SND1: variants seen among roughly 807,000 people sequenced by gnomAD.
SND1 encodes the protein staphylococcal nuclease and tudor domain containing 1.
A neutral mutation model predicts 121.7 loss-of-function variants in SND1; 38 were observed. The ratio of observed to expected loss-of-function variants is 0.31; its 90% CI spans 0.24 to 0.41. SND1 has a LOEUF of 0.41. Ranked by LOEUF, SND1 falls within the 10% of genes least tolerant of loss-of-function variation. SND1 has a pLI of 1.00. For synonymous variants in SND1, 401 were observed against 447.4 expected (o/e 0.90, Z 1.31); for missense variants, 868 against 1,184.6 (o/e 0.73, Z 3.92).
rs913876529 is a variant in SND1 at position 127,860,439 on chromosome 7, A to G, written c.1343+16015A>G. 1.2e-4 allele frequency among the ~76,000 whole-genome samples: 19 copies of G among 152,334 alleles called. 1 individual carries two copies. The highest frequency in any genetic ancestry group is 4.6e-4 in the African/African-American group (19 of 41,568). ...TGCTTAAGGTGCTTGTTCTTCATTA[A>G]TGTAATCAGACTTTACCCAAATAGT... On this transcript the variant is annotated intron_variant, in intron 12 of 23. Transcript: ENST00000354725.
chr7:127,701,855 G>A (rs895211542), intron 5 of SND1, among the ~76,000 whole-genome samples: 2 of 152,092 alleles, frequency 1.3e-5, no homozygotes, highest in African/African-American at 4.8e-5. Context: ...CTATTATAGT[G>A]CCTATACACC....
At chr7:128,054,140 G>C (rs948503300) in intron 16 of SND1, among the ~76,000 whole-genome samples, 1 of 152,198 alleles carries the variant, frequency 6.6e-6, no homozygotes, top group Admixed American at 6.5e-5. Flanking sequence ...GTCAGATGGA[G>C]TGGCGGTGGC....
At chr7:127,889,450 C>T (rs1799969877) in intron 13 of SND1, among the ~76,000 whole-genome samples, 2 of 151,726 alleles carry the variant, frequency 1.3e-5, no homozygotes, top group East Asian at 1.9e-4. Context: ...GCATGCAATG[C>T]GTAATAATCA....
intron 13 of SND1, among the ~76,000 whole-genome samples, chr7:127,890,721 G>A (rs1482466616): frequency 6.6e-6 from 1 of 152,118 alleles, no homozygotes; most frequent in Non-Finnish European, 1.5e-5. Flanking sequence ...AATACTTAAT[G>A]AGCATTCATA....
At chr7:127,758,310 CT>C (rs774200354) in intron 10 of SND1, among the ~76,000 whole-genome samples, 3 of 152,192 alleles carry the variant, frequency 2.0e-5, no homozygotes, top group Non-Finnish European at 4.4e-5. Flanking sequence ...TATTGTTGAT[CT>C]TGCAACATTA....
rs539601304 is a variant in SND1 at position 127,980,362 on chromosome 7, C to T, written c.1670-10585C>T. Among the ~76,000 whole-genome samples the T allele has an allele frequency of 8.2e-4, 14 of 17,166 alleles. 4 individuals carry two copies. The South Asian group carries it at 0.016, about 19-fold the overall frequency. 11.3% of individuals were successfully genotyped at this position (17,166 alleles called of 152,430 possible). A position where few individuals can be genotyped will look rare whatever the true frequency, so the allele number is the denominator to read the frequency against. ...GTCTCGATCTCCTGACCTCGTGATC[C>T]GCCCGCCTCGGCCTCCCAAAGTGCT... On this transcript the variant is annotated intron_variant, in intron 15 of 23. Transcript: ENST00000354725.
intron 16 of SND1, among the ~76,000 whole-genome samples, chr7:128,038,372 G>A (rs60865612): frequency 0.014 from 2,098 of 152,310 alleles, 59 homozygotes; most frequent in African/African-American, 0.048. Context: ...TACATACCGC[G>A]TATATATAGG....
chr7:127,762,813 C>G (rs1341123951), intron 10 of SND1, among the ~76,000 whole-genome samples: 1 of 152,162 alleles, frequency 6.6e-6, no homozygotes, highest in African/African-American at 2.4e-5. Context: ...TTGTAAAATT[C>G]TCTGCATTTT....
rs753167232 is a variant in SND1 at position 127,704,872 on chromosome 7, G to A, written c.874G>A (p.Gly292Ser). 1.2e-6 allele frequency: 2 copies of A among 1,614,074 alleles called. No homozygotes were observed. Among genetic ancestry groups the A allele is most frequent in the South Asian group, 1.1e-5 (1 of 91,074 alleles). ...CATCACAGAGCTCCTCCTGAAGGAA[G>A]GTTTCGCACGCTGTGTGGACTGGTC... ...GNITELLLKEGFARCVDWSIA... is the reference protein window; with the variant it reads ...GNITELLLKESFARCVDWSIA... Residue 292 changes from glycine to serine, a missense_variant, in exon 8 of 24, where the codon GGT (glycine) becomes AGT (serine). Physicochemically the swap from Gly to Ser is moderately conservative, Grantham distance 56. This residue lies in a region of SND1 where 743 missense variants were observed against 1,071.3 expected (regional missense o/e 0.69). Transcript: ENST00000354725.
intron 16 of SND1, among the ~76,000 whole-genome samples, chr7:128,069,796 T>C (rs568109654): frequency 6.6e-6 from 1 of 152,296 alleles, no homozygotes; most frequent in African/African-American, 2.4e-5. Context: ...AGAACTTAAG[T>C]GGCACCCCAG....
chr7:128,038,548 C>G (rs1303456449), intron 16 of SND1, among the ~76,000 whole-genome samples: 1 of 152,218 alleles, frequency 6.6e-6, no homozygotes, highest in Admixed American at 6.5e-5. Context: ...AAGAGGCTGT[C>G]TTGTTCAAAG....
At chr7:128,036,522 A>G (rs1405337408) in intron 16 of SND1, among the ~76,000 whole-genome samples, 1 of 152,228 alleles carries the variant, frequency 6.6e-6, no homozygotes, top group Non-Finnish European at 1.5e-5. Context: ...GGGAGTGGAC[A>G]ATAAAGGATA....
Position 128,021,087 on chromosome 7 carries a change from T to G in SND1, c.1779+30031T>G, listed in dbSNP as rs577989718. Among the ~76,000 whole-genome samples, 7 of 152,300 alleles carry G rather than the reference T, an allele frequency of 4.6e-5. No homozygotes were observed. In the South Asian group the frequency reaches 1.5e-3, roughly 32 times the overall value. Reference sequence around the variant, plus strand: ...TTCCTACTCCATCCAGACTTCCCCCTGCCTAATCTTAAAGAGATGAATTGG... The same window carrying G: ...TTCCTACTCCATCCAGACTTCCCCCGGCCTAATCTTAAAGAGATGAATTGG... On this transcript the variant is annotated intron_variant, in intron 16 of 23. Transcript: ENST00000354725.
chr7:127,980,945 T>G (rs561742785), intron 15 of SND1, among the ~76,000 whole-genome samples: 1 of 152,334 alleles, frequency 6.6e-6, no homozygotes, highest in African/African-American at 2.4e-5. Context: ...TAGGAACCTT[T>G]GGTGCCAAAA....
At chr7:127,810,693 G>A (rs1314892052) in intron 11 of SND1, among the ~76,000 whole-genome samples, 1 of 152,120 alleles carries the variant, frequency 6.6e-6, no homozygotes, top group Non-Finnish European at 1.5e-5. Flanking sequence ...AGTTTGCATT[G>A]CCCTAGTCAT....
At chr7:127,826,055 G>A (rs1238280591) in intron 11 of SND1, among the ~76,000 whole-genome samples, 1 of 152,092 alleles carries the variant, frequency 6.6e-6, no homozygotes, top group Non-Finnish European at 1.5e-5. Flanking sequence ...GCTGGGCATG[G>A]TGGCAGGTGC....
intron 10 of SND1, among the ~76,000 whole-genome samples, chr7:127,724,991 G>T (rs1365441571): frequency 1.3e-5 from 2 of 151,804 alleles, no homozygotes; most frequent in Non-Finnish European, 2.9e-5. Context: ...CCTTTCCTTG[G>T]CCTGAGATTA....
At chr7:127,870,916 AAAAC>A (rs1479886409) in intron 12 of SND1, among the ~76,000 whole-genome samples, 1 of 152,206 alleles carries the variant, frequency 6.6e-6, no homozygotes, top group Non-Finnish European at 1.5e-5. Flanking sequence ...CACTTAGCTT[AAAAC>A]AAACATTGCA....
At chr7:127,895,392 A>G (rs1319223853) in intron 13 of SND1, among the ~76,000 whole-genome samples, 1 of 152,112 alleles carries the variant, frequency 6.6e-6, no homozygotes, top group Non-Finnish European at 1.5e-5. Context: ...TCTGCATTAC[A>G]TCATGCCAGT....
Sources: gnomAD v4.1 joint callset for allele counts (sites outside exome capture counted in the v4.1 genomes callset) on GRCh38, gnomAD v4.1.1 for gene constraint, gnomAD v4.1.1 regional missense constraint, MANE v1.5 for transcripts, NCBI Gene and HGNC (gene_info 2026-07-23, HGNC 2026-07-21) for gene names.